The following NXN variants were observed in gnomAD, a reference collection of about 807,000 sequenced individuals.
NXN encodes the protein nucleoredoxin.
In NXN, 16 loss-of-function variants were observed where a neutral mutation model predicts 48.6. That is an observed-to-expected ratio of 0.33 (90% CI 0.22 to 0.50). The LOEUF (loss-of-function observed/expected upper bound fraction) is 0.50, where lower values mean the gene tolerates loss of function less well. Among genes scored for constraint, NXN ranks in the 20% least tolerant of loss-of-function variants. The pLI, the probability that NXN is intolerant of heterozygous loss-of-function variation, is 0.98. For synonymous variants in NXN, 281 were observed against 269.6 expected (o/e 1.04, Z -0.41); for missense variants, 492 against 605.5 (o/e 0.81, Z 1.97).
chr17:805,341 C>A (rs1239649338), intron 5 of NXN, 94 bp from the exon 6 acceptor site: 14 of 1,355,656 alleles, frequency 1.0e-5, no homozygotes, highest in African/African-American at 4.4e-5. Context: ...GTCCCCCCGA[C>A]CGTGGTGGAG....
At chr17:957,512 G>A (rs534262683) in intron 1 of NXN, among the ~76,000 whole-genome samples, 9 of 152,034 alleles carry the variant, frequency 5.9e-5, no homozygotes, top group South Asian at 2.1e-4. Flanking sequence ...CACGCCTGTA[G>A]TCCCAGCTAC....
chr17:890,862 G>C lies in NXN; in HGVS notation c.361-64784C>G, dbSNP rs568458821. Reference sequence around the variant, plus strand: ...ATTCTCCTCCCAGGCCTATCAGGGGGATAGAATTCTTGCTCCTATTTGATG... The same window carrying C: ...ATTCTCCTCCCAGGCCTATCAGGGGCATAGAATTCTTGCTCCTATTTGATG... On this transcript the variant is annotated intron_variant, in intron 1 of 7. Coordinates refer to ENST00000336868, the MANE Select transcript of NXN (RefSeq NM_022463.5). 2.0e-5 allele frequency among the ~76,000 whole-genome samples: 3 copies of C among 152,236 alleles called. No individual in the cohort carries two copies. In the East Asian group the frequency reaches 5.8e-4, roughly 29 times the overall value.
At chr17:814,547 G>A (rs1461550456) in intron 5 of NXN, among the ~76,000 whole-genome samples, 5 of 152,172 alleles carry the variant, frequency 3.3e-5, no homozygotes, top group South Asian at 2.1e-4. Flanking sequence ...CCAGGCCCTC[G>A]TACGAAATGA....
At chr17:971,498 C>T (rs2069377682) in intron 1 of NXN, among the ~76,000 whole-genome samples, 1 of 151,308 alleles carries the variant, frequency 6.6e-6, no homozygotes, top group Non-Finnish European at 1.5e-5. Flanking sequence ...ATCATGAGGT[C>T]AGGAGTTCAA....
chr17:812,018 C>T (rs1339066315), intron 5 of NXN, among the ~76,000 whole-genome samples: 1 of 150,216 alleles, frequency 6.7e-6, no homozygotes, highest in Non-Finnish European at 1.5e-5. Context: ...AGCTCCGTCT[C>T]CCGGGTTCAC....
At chr17:955,292 C>G (rs528991221) in intron 1 of NXN, among the ~76,000 whole-genome samples, 1 of 151,596 alleles carries the variant, frequency 6.6e-6, no homozygotes, top group Non-Finnish European at 1.5e-5. Flanking sequence ...CTCAGCCTCC[C>G]GAGTAGCTGG....
intron 1 of NXN, among the ~76,000 whole-genome samples, chr17:889,733 AAG>A (rs1268951860): frequency 4.1e-4 from 30 of 73,694 alleles, no homozygotes; most frequent in African/African-American, 1.1e-3. Flanking sequence ...GAAAGAAAGA[AAG>A]AAAGAAAGAA....
intron 1 of NXN, among the ~76,000 whole-genome samples, chr17:868,045 C>CA (rs777931527): frequency 3.3e-5 from 5 of 152,154 alleles, no homozygotes; most frequent in Non-Finnish European, 5.9e-5. Flanking sequence ...ACAGCAGGGA[C>CA]ATGTGTTGTG....
chr17:934,449 G>GAA (rs145868182), intron 1 of NXN, among the ~76,000 whole-genome samples: 38 of 138,580 alleles, frequency 2.7e-4, no homozygotes, highest in East Asian at 4.2e-4. Context: ...CTGTCTCAAA[G>GAA]AAAAAAAAAA....
In NXN at chr17:818,517, T is replaced by C. The variant is rs112602879; in HGVS notation, c.820+922A>G. Among the ~76,000 whole-genome samples the C allele has an allele frequency of 6.7e-3, 1,022 of 152,290 alleles. 15 individuals carry two copies. Among genetic ancestry groups the C allele is most frequent in the African/African-American group, 0.022 (928 of 41,562 alleles). On this transcript the variant is annotated intron_variant, in intron 5 of 7. Transcript: ENST00000336868. ...AAACTGGAGATCACTCTCAAGTCTC[T>C]TTCACAGTAAACCTTTGGGATAAGA...
chr17:971,688 T>G (rs1597289252), intron 1 of NXN, among the ~76,000 whole-genome samples: 1 of 150,088 alleles, frequency 6.7e-6, no homozygotes, highest in South Asian at 2.1e-4. Context: ...CCAGCCTGGG[T>G]GACAGAGCGA....
At chr17:822,009 G>C (rs1310302500) in intron 4 of NXN, among the ~76,000 whole-genome samples, 1 of 152,082 alleles carries the variant, frequency 6.6e-6, no homozygotes, top group Non-Finnish European at 1.5e-5. Flanking sequence ...GGCTGGGTGC[G>C]GTGGCTCACA....
chr17:891,744 G>A (rs372983594), intron 1 of NXN, among the ~76,000 whole-genome samples: 3,693 of 26,906 alleles, frequency 0.14, no homozygotes, highest in Middle Eastern at 0.21. Context: ...ACCATGCACA[G>A]CCCATCAGGG....
intron 1 of NXN, among the ~76,000 whole-genome samples, chr17:866,715 G>T (rs1002222366): frequency 6.6e-6 from 1 of 152,184 alleles, no homozygotes; most frequent in Non-Finnish European, 1.5e-5. Flanking sequence ...CTCTAACGTT[G>T]TTCAATTTCA....
chr17:954,008 A>G (rs1471864925), intron 1 of NXN, among the ~76,000 whole-genome samples: 1 of 152,196 alleles, frequency 6.6e-6, no homozygotes, highest in East Asian at 1.9e-4. Flanking sequence ...CTCAACTCCA[A>G]GGAGACCTAT....
At chr17:821,978 G>C (rs574705352) in intron 4 of NXN, among the ~76,000 whole-genome samples, 1 of 152,038 alleles carries the variant, frequency 6.6e-6, no homozygotes, top group African/African-American at 2.4e-5. Flanking sequence ...CTCCCCTTCA[G>C]ACGATTAAAG....
chr17:889,759 GAAA>G lies in NXN; in HGVS notation c.361-63684_361-63682del, dbSNP rs10587118. 8.4e-5 allele frequency among the ~76,000 whole-genome samples: 5 copies of G among 59,802 alleles called. No individual in the cohort carries two copies. The East Asian group carries it at 2.5e-3, about 29-fold the overall frequency. The allele number at this position is 59,802 out of a possible 152,430, so 39.2% of individuals were successfully genotyped here. ...AGAAAGAAAGAAAGAAAGAAAGAAA[GAAA>G]AAGAAAGAAAGAAAAGAGAGAGAAA... is the stretch of plus-strand genomic sequence containing the variant. On this transcript the variant is annotated intron_variant, in intron 1 of 7. Coordinates refer to ENST00000336868, the MANE Select transcript of NXN (RefSeq NM_022463.5).
intron 5 of NXN, among the ~76,000 whole-genome samples, chr17:812,626 G>C (rs939812630): frequency 2.0e-5 from 3 of 151,400 alleles, no homozygotes; most frequent in East Asian, 1.9e-4. Context: ...GTGTAGGTGA[G>C]TGTAGGTGTG....
At chr17:844,884 G>GTT (rs573530072) in intron 1 of NXN, among the ~76,000 whole-genome samples, 2 of 151,706 alleles carry the variant, frequency 1.3e-5, no homozygotes, top group African/African-American at 4.8e-5. Flanking sequence ...CACCCAGCCT[G>GTT]TTTTTTTTAA....
Sources: allele counts gnomAD v4.1 joint callset (sites outside exome capture counted in the v4.1 genomes callset), GRCh38; gene constraint gnomAD v4.1.1; transcripts MANE v1.5; gene names NCBI Gene and HGNC (gene_info 2026-07-23, HGNC 2026-07-21).